The following SLC30A8 variants were observed in gnomAD, a reference collection of about 807,000 sequenced individuals.
The protein encoded by SLC30A8 is proton-coupled zinc antiporter SLC30A8.
SLC30A8 carries 27 observed loss-of-function variants against 36.9 expected under a neutral mutation model. The observed-to-expected ratio is 0.73, with a 90% confidence interval of 0.54 to 1.01. SLC30A8 has a LOEUF of 1.01. SLC30A8 is among the 50% of genes least tolerant of loss of function. The pLI, the probability that SLC30A8 is intolerant of heterozygous loss-of-function variation, is 0.00. For synonymous variants in SLC30A8, 164 were observed against 172.4 expected (o/e 0.95, Z 0.38); for missense variants, 439 against 452.0 (o/e 0.97, Z 0.26).
chr8:117,025,066 C>G (rs986166013), intron 1 of SLC30A8, among the ~76,000 whole-genome samples: 1 of 152,138 alleles, frequency 6.6e-6, no homozygotes, highest in Non-Finnish European at 1.5e-5. Flanking sequence ...AGTATTCATT[C>G]TGTCACTTAG....
chr8:117,009,130 T>C (rs1816266929), intron 1 of SLC30A8, among the ~76,000 whole-genome samples: 1 of 152,184 alleles, frequency 6.6e-6, no homozygotes, highest in African/African-American at 2.4e-5. Context: ...AGAAAGTTGC[T>C]GATAAACTCA....
chr8:116,992,825 G>A (rs7843022), intron 1 of SLC30A8, among the ~76,000 whole-genome samples: 4,903 of 152,202 alleles, frequency 0.032, 245 homozygotes, highest in African/African-American at 0.11. Context: ...CAGCCATGGG[G>A]TAGCAATGAA....
chr8:116,973,256 C>T (rs73312211), intron 1 of SLC30A8, among the ~76,000 whole-genome samples: 4,184 of 152,220 alleles, frequency 0.027, 178 homozygotes, highest in African/African-American at 0.094. Flanking sequence ...TTTGTTGTAG[C>T]TGCTCAAACA....
At chr8:116,966,922 T>C (rs930454888) in intron 1 of SLC30A8, among the ~76,000 whole-genome samples, 2 of 152,236 alleles carry the variant, frequency 1.3e-5, no homozygotes, top group African/African-American at 4.8e-5. Flanking sequence ...GCCAAGGATT[T>C]GAATAAAAAT....
intron 2 of SLC30A8, among the ~76,000 whole-genome samples, chr8:117,054,686 G>A (rs537342977): frequency 6.8e-4 from 101 of 148,316 alleles, no homozygotes; most frequent in African/African-American, 2.4e-3. Flanking sequence ...TCAGAGGTAT[G>A]TAGAATATCA....
At chr8:117,012,428 T>C (rs1049468835) in intron 1 of SLC30A8, among the ~76,000 whole-genome samples, 2 of 151,940 alleles carry the variant, frequency 1.3e-5, no homozygotes, top group Non-Finnish European at 2.9e-5. Flanking sequence ...AAAAAAAATG[T>C]GTCCCTACTG....
intron 1 of SLC30A8, among the ~76,000 whole-genome samples, chr8:116,996,427 G>A (rs577713660): frequency 9.2e-5 from 14 of 152,292 alleles, no homozygotes; most frequent in African/African-American, 3.4e-4. Flanking sequence ...TTTGAAGTAT[G>A]TATACATTGT....
At chr8:117,054,301 G>A (rs960561660) in intron 2 of SLC30A8, among the ~76,000 whole-genome samples, 23 of 151,970 alleles carry the variant, frequency 1.5e-4, no homozygotes, top group African/African-American at 5.1e-4. Context: ...GGGTCTTGCC[G>A]TGTGGCCTGG....
intron 2 of SLC30A8, among the ~76,000 whole-genome samples, chr8:117,058,959 C>A (rs551029716): frequency 6.6e-6 from 1 of 152,148 alleles, no homozygotes; most frequent in Non-Finnish European, 1.5e-5. Flanking sequence ...GTTCTGATCC[C>A]TCCACCATAC....
In SLC30A8 at chr8:117,153,103, G is replaced by A; in HGVS notation, c.418+13G>A. ...TGGCACCGAGCAGGTACGGTTCATAGAGTGAGCAATAACAGCAGGCTGGTG... is the reference window on the plus strand; with the variant it reads ...TGGCACCGAGCAGGTACGGTTCATAAAGTGAGCAATAACAGCAGGCTGGTG... On this transcript the variant is annotated intron_variant, in intron 3 of 7. Transcript: ENST00000456015. 6.4e-7 allele frequency: 1 copy of A among 1,564,992 alleles called. No individual in the cohort carries two copies. The highest frequency in any genetic ancestry group is 1.2e-5 in the South Asian group (1 of 84,594).
At chr8:117,164,940 T>C (rs1487292909) in intron 6 of SLC30A8, among the ~76,000 whole-genome samples, 3 of 152,188 alleles carry the variant, frequency 2.0e-5, no homozygotes, top group African/African-American at 7.2e-5. Context: ...TCCGTCCTTA[T>C]GCCTAAAGCT....
chr8:117,125,452 G>A (rs1237976990), intron 2 of SLC30A8, among the ~76,000 whole-genome samples: 6 of 151,962 alleles, frequency 3.9e-5, no homozygotes, highest in Non-Finnish European at 7.4e-5. Context: ...TTTAGCTCAA[G>A]AGAAAAATTG....
intron 1 of SLC30A8, among the ~76,000 whole-genome samples, chr8:117,025,203 T>C (rs979456735): frequency 3.3e-5 from 5 of 152,202 alleles, no homozygotes; most frequent in African/African-American, 4.8e-5. Flanking sequence ...TAATGTGTGC[T>C]CCATGAAACA....
chr8:116,971,510 T>C (rs1814796285), intron 1 of SLC30A8, among the ~76,000 whole-genome samples: 1 of 152,226 alleles, frequency 6.6e-6, no homozygotes, highest in Non-Finnish European at 1.5e-5. Flanking sequence ...CCTAATATTA[T>C]GGTATAAACC....
Position 117,174,776 on chromosome 8 carries a change from G to A in SLC30A8, c.*2095G>A, listed in dbSNP as rs1336168212. ...GAGGGAGATTTGTGTGTCAACCAAA[G>A]TAATTGTCCCATGGCCCCAGGGTAT... On this transcript the variant is annotated 3_prime_UTR_variant, in exon 8 of 8. Transcript: ENST00000456015. The A allele has an allele frequency of 6.6e-6, 1 of 152,522 alleles. No individual in the cohort carries two copies. The highest frequency in any genetic ancestry group is 6.6e-5 in the Admixed American group (1 of 15,254). The allele number at this position is 152,522 out of a possible 1,614,324, so 9.4% of individuals were successfully genotyped here. A position where few individuals can be genotyped will look rare whatever the true frequency, so the allele number is the denominator to read the frequency against.
intron 1 of SLC30A8, among the ~76,000 whole-genome samples, chr8:117,142,645 C>T (rs1244983163): frequency 6.6e-6 from 1 of 152,128 alleles, no homozygotes; most frequent in African/African-American, 2.4e-5. Flanking sequence ...ATGCCCTCTA[C>T]TTGGGATAGC....
chr8:117,057,838 C>G (rs915255072), intron 2 of SLC30A8, among the ~76,000 whole-genome samples: 1 of 152,170 alleles, frequency 6.6e-6, no homozygotes, highest in African/African-American at 2.4e-5. Context: ...GTGAATAATG[C>G]TGTAGTAAAC....
At chr8:117,103,509 C>G (rs929324502) in intron 2 of SLC30A8, among the ~76,000 whole-genome samples, 6 of 152,138 alleles carry the variant, frequency 3.9e-5, no homozygotes, top group African/African-American at 1.4e-4. Context: ...GGGTCTCACT[C>G]TGTTGCCCAG....
At chr8:117,098,454 C>A (rs557800850) in intron 2 of SLC30A8, among the ~76,000 whole-genome samples, 5 of 152,232 alleles carry the variant, frequency 3.3e-5, no homozygotes, top group Non-Finnish European at 7.4e-5. Context: ...TCATATGAAA[C>A]CAGATTATCA....
Sources: allele counts gnomAD v4.1 joint callset (sites outside exome capture counted in the v4.1 genomes callset), GRCh38; gene constraint gnomAD v4.1.1; transcripts MANE v1.5; gene names NCBI Gene and HGNC (gene_info 2026-07-23, HGNC 2026-07-21).